Variants in ZNF615 observed in about 807,000 individuals in gnomAD.
ZNF615 encodes zinc finger protein 615.
A neutral mutation model predicts 15.3 loss-of-function variants in ZNF615; 15 were observed. That is an observed-to-expected ratio of 0.98 (90% CI 0.66 to 1.51). ZNF615 has a LOEUF of 1.51. Among genes scored for constraint, ZNF615 ranks in the 40% most tolerant of loss-of-function variants. The pLI is 0.00. For synonymous variants in ZNF615, 268 were observed against 294.6 expected (o/e 0.91, Z 0.92); for missense variants, 848 against 895.9 (o/e 0.95, Z 0.68).
Position 51,994,702 on chromosome 19 carries a change from T to G in ZNF615, c.407A>C (p.Gln136Pro), listed in dbSNP as rs750270904. ...ATGTAAGTCAAACGTATCACAATCT[T>G]GCTTCAGCAGGAAATGACCTTTGTT... ...NQNKGHFLLK[Q>P]DCDTFDLHEK... Residue 136 changes from glutamine to proline, a missense_variant, in exon 7 of 7, where the codon CAA becomes CCA. Transcript: ENST00000598071. 3.7e-6 allele frequency: 6 copies of G among 1,613,740 alleles called. No individual in the cohort carries two copies. The highest frequency in any genetic ancestry group is 5.1e-6 in the Non-Finnish European group (6 of 1,179,980).
intron 6 of ZNF615, among the ~76,000 whole-genome samples, chr19:51,995,493 C>G (rs2086391282): frequency 6.6e-6 from 1 of 151,498 alleles, no homozygotes; most frequent in Non-Finnish European, 1.5e-5. Context: ...TTAATTTATT[C>G]TACAAATGTT....
intron 2 of ZNF615, among the ~76,000 whole-genome samples, chr19:52,006,171 T>G (rs2086745946): frequency 6.6e-6 from 1 of 152,238 alleles, no homozygotes; most frequent in African/African-American, 2.4e-5. Flanking sequence ...AGAAAAATAT[T>G]AGCATTCTAC....
intron 6 of ZNF615, among the ~76,000 whole-genome samples, chr19:51,997,735 G>A (rs1389900484): frequency 2.0e-5 from 3 of 152,192 alleles, no homozygotes; most frequent in African/African-American, 7.2e-5. Flanking sequence ...CTAGCAATGT[G>A]ATTTATGGTG....
At position 51,992,989 on chromosome 19, in the gene ZNF615, T is replaced by C. The variant is rs2086279193; in HGVS notation, c.2120A>G (p.Asn707Ser). Residue 707 changes from asparagine (N) to serine (S), a missense_variant, in exon 7 of 7, where the codon AAT becomes AGT. By Grantham distance (46) the Asn-to-Ser change is conservative (BLOSUM62 1). Transcript: ENST00000598071. ...GKAFTTKSGL[N>S]VHQRKHTGER... ...TCCTGTATGTTTTCTTTGATGAACA[T>C]TGAGCCCTGATTTTGTAGTGAAGGC... 1.9e-6 allele frequency: 3 copies of C among 1,614,050 alleles called. No individual in the cohort carries two copies. The highest frequency in any genetic ancestry group is 1.3e-5 in the African/African-American group (1 of 74,926).
At chr19:52,001,236 C>A (rs1340378764) in intron 5 of ZNF615, among the ~76,000 whole-genome samples, 1 of 151,706 alleles carries the variant, frequency 6.6e-6, no homozygotes, top group African/African-American at 2.4e-5. Context: ...TGACAGTGGA[C>A]AAGAAAAGGC....
chr19:51,996,428 A>G (rs2086442309), intron 6 of ZNF615, among the ~76,000 whole-genome samples: 1 of 149,880 alleles, frequency 6.7e-6, no homozygotes, highest in Non-Finnish European at 1.5e-5. Flanking sequence ...ATATGGCTTC[A>G]GCCATTGGAT....
intron 2 of ZNF615, among the ~76,000 whole-genome samples, chr19:52,005,752 C>T (rs1321933977): frequency 6.6e-6 from 1 of 152,128 alleles, no homozygotes; most frequent in Non-Finnish European, 1.5e-5. Flanking sequence ...TCATCTCAGG[C>T]TATTATCACA....
chr19:52,008,168 C>T lies in ZNF615; in HGVS notation c.-255G>A, dbSNP rs1368523263. 26 of 1,535,586 alleles carry T rather than the reference C, an allele frequency of 1.7e-5. No individual in the cohort carries two copies. Among genetic ancestry groups the T allele is most frequent in the Non-Finnish European group, 2.2e-5 (25 of 1,146,794 alleles). ...CCCAGAACTTGGTGGGCTCCGGCCT[C>T]ATCTCTCGGCCTCCTCAGTGCCTGA... On this transcript the variant is annotated 5_prime_UTR_variant, in exon 1 of 7. It removes an upstream start codon present in the reference 5' UTR. Transcript: ENST00000598071.
At chr19:52,007,204 A>G in intron 2 of ZNF615, 89 bp downstream of exon 2, 2 of 679,716 alleles carry the variant, frequency 2.9e-6, no homozygotes, top group South Asian at 3.2e-5. Context: ...ATTTATCTGA[A>G]TTATGAATAT....
In ZNF615 at chr19:51,994,090, A is replaced by C; in HGVS notation, c.1019T>G (p.Phe340Cys). ...SVCGKAFSTK[F>C]SLTTHQKTHT... Reference sequence around the variant, plus strand: ...AGTTTTCTGATGTGTAGTGAGACTGAACTTTGTAGAGAAGGCCTTCCCACA... The same window carrying C: ...AGTTTTCTGATGTGTAGTGAGACTGCACTTTGTAGAGAAGGCCTTCCCACA... The change falls in exon 7 of 7, where the codon TTC becomes TGC. Residue 340 changes from phenylalanine to cysteine, a missense_variant. Transcript: ENST00000598071. The C allele has an allele frequency of 6.2e-7, 1 of 1,613,760 alleles. No individual in the cohort carries two copies. Among genetic ancestry groups the C allele is most frequent in the South Asian group, 1.1e-5 (1 of 91,066 alleles).
chr19:52,002,174 G>A lies in ZNF615; in HGVS notation c.123C>T (p.Tyr41=), dbSNP rs1215261732. Residue 41 remains tyrosine (Y), a synonymous_variant, in exon 4 of 7, where the codon TAC becomes TAT. Transcript: ENST00000598071. ...CCTCACCCACTGCCACCAGGTTGCT[G>A]TAGTTCTCCAACATCACGTCCCGGT... The part of the protein sequence containing the change: ...DLYRDVMLEN[Y]SNLVAVGYQA... The A allele has an allele frequency of 2.5e-6, 4 of 1,614,194 alleles. No individual in the cohort carries two copies. The East Asian group carries it at 8.9e-5, about 36-fold the overall frequency.
intron 4 of ZNF615, 118 bp downstream of exon 4, chr19:52,002,037 G>C: frequency 6.2e-7 from 1 of 1,609,306 alleles, no homozygotes; most frequent in Non-Finnish European, 8.5e-7. Flanking sequence ...ATACTCTCTT[G>C]TGTGGGGCAA....
Position 51,993,207 on chromosome 19 carries a change from TG to T in ZNF615, c.1901del (p.Pro634HisfsTer120). On this transcript the variant is annotated frameshift_variant, in exon 7 of 7. Coordinates refer to ENST00000598071, the MANE Select transcript of ZNF615 (RefSeq NM_001199324.2). LOFTEE classifies it low-confidence loss of function (END_TRUNC). ...IHQQTHTGEKPYKCNECDKTF... is the reference protein window; with the variant it reads ...IHQQTHTGEKXYKCNECDKTF... Reference sequence around the variant, plus strand: ...TTTTATCACATTCATTGCATTTGTATGGCTTCTCTCCAGTATGAGTTTGCTG... The same window carrying T: ...TTTTATCACATTCATTGCATTTGTATGCTTCTCTCCAGTATGAGTTTGCTG... 6.2e-7 allele frequency: 1 copy of T among 1,614,236 alleles called. No homozygotes were observed. The highest frequency in any genetic ancestry group is 8.5e-7 in the Non-Finnish European group (1 of 1,180,038).
intron 2 of ZNF615, 123 bp from the exon 3 acceptor site, chr19:52,004,023 GA>G: frequency 5.6e-6 from 3 of 536,318 alleles, no homozygotes; most frequent in Non-Finnish European, 7.8e-6. Context: ...TAGTGCTCCA[GA>G]AGCTTTTATA....
chr19:52,002,826 C>T (rs957956021), intron 3 of ZNF615, among the ~76,000 whole-genome samples: 13 of 131,304 alleles, frequency 9.9e-5, no homozygotes, highest in Admixed American at 4.7e-4. Flanking sequence ...TGTTTTTTTG[C>T]TTGCTTGTTT....
At chr19:52,000,502 G>A in intron 5 of ZNF615, 124 bp from the exon 6 acceptor site, 1 of 447,870 alleles carries the variant, frequency 2.2e-6, no homozygotes, top group Non-Finnish European at 3.9e-6. Flanking sequence ...GGAAGTTACA[G>A]GCTAGTTGTC....
At position 51,994,820 on chromosome 19, in the gene ZNF615, C is replaced by T; in HGVS notation, c.289G>A (p.Asp97Asn). Residue 97 changes from aspartate (D) to asparagine (N), a missense_variant, in exon 7 of 7, where the codon GAT (aspartate) becomes AAT (asparagine). Asp to Asn is a conservative substitution (Grantham distance 23, BLOSUM62 1). Coordinates refer to ENST00000598071, the MANE Select transcript of ZNF615 (RefSeq NM_001199324.2). ...TTTTGCAAGTGATGCTGCAGAGGATCATCAATTTTCCTGATTTCTAGGAAA... is the reference window on the plus strand; with the variant it reads ...TTTTGCAAGTGATGCTGCAGAGGATTATCAATTTTCCTGATTTCTAGGAAA... The part of the protein sequence containing the change: ...GAYAEIRKID[D>N]PLQHHLQNQS... The T allele has an allele frequency of 6.3e-7, 1 of 1,582,208 alleles. No homozygotes were observed. Among genetic ancestry groups the T allele is most frequent in the Non-Finnish European group, 8.6e-7 (1 of 1,166,334 alleles).
Position 51,992,575 on chromosome 19 carries a change from C to A in ZNF615, c.*305G>T. On this transcript the variant is annotated 3_prime_UTR_variant, in exon 7 of 7. Coordinates refer to ENST00000598071, the MANE Select transcript of ZNF615 (RefSeq NM_001199324.2). ...AGTTTTATTTTTGGGCAAAGACGTT[C>A]CTATAATTATTACATTTCCACGAAT... 3.8e-6 allele frequency: 1 copy of A among 261,022 alleles called. No individual in the cohort carries two copies. The highest frequency in any genetic ancestry group is 4.8e-5 in the Admixed American group (1 of 20,796). 16.2% of individuals were successfully genotyped at this position (261,022 alleles called of 1,614,324 possible). A position where few individuals can be genotyped will look rare whatever the true frequency, so the allele number is the denominator to read the frequency against.
Position 52,000,328 on chromosome 19 carries a change from T to C in ZNF615, c.271+18A>G. On this transcript the variant is annotated intron_variant, in intron 6 of 6. Coordinates refer to ENST00000598071, the MANE Select transcript of ZNF615 (RefSeq NM_001199324.2). ...CTAGTGAATCCTCGGCATCAGGCAA[T>C]ATATCCATGAGACAAACCTGCATAT... 3 of 622,794 alleles carry C rather than the reference T, an allele frequency of 4.8e-6. No homozygotes were observed. Among genetic ancestry groups the C allele is most frequent in the East Asian group, 2.9e-5 (1 of 34,538 alleles). 38.6% of individuals were successfully genotyped at this position (622,794 alleles called of 1,614,324 possible).
Sources: allele counts gnomAD v4.1 joint callset (sites outside exome capture counted in the v4.1 genomes callset), GRCh38; gene constraint gnomAD v4.1.1; transcripts MANE v1.5; gene names NCBI Gene and HGNC (gene_info 2026-07-23, HGNC 2026-07-21).